The following CEP120 variants were observed in gnomAD, a reference collection of about 807,000 sequenced individuals.
CEP120 encodes centrosomal protein 120.
A neutral mutation model predicts 126.5 loss-of-function variants in CEP120; 113 were observed. That is an observed-to-expected ratio of 0.89 (90% CI 0.77 to 1.04). The LOEUF is 1.04. Ranked by LOEUF, CEP120 falls within the 50% of genes least tolerant of loss-of-function variation. The probability of loss-of-function intolerance (pLI) is 0.00; values close to 1 mark genes in which losing one functional copy is unlikely to be tolerated. For missense variants in CEP120, 1,230 were observed against 1,155.7 expected, an observed-to-expected ratio of 1.06 and a Z score of -0.93; for synonymous variants, 400 against 394.3, an observed-to-expected ratio of 1.01 and a Z score of -0.17.
intron 17 of CEP120, among the ~76,000 whole-genome samples, chr5:123,370,797 C>T (rs1188285126): frequency 6.7e-6 from 1 of 148,508 alleles, no homozygotes; most frequent in Admixed American, 6.7e-5. Context: ...TCTACAGAGG[C>T]AGGGTTTCTC....
At chr5:123,383,574 A>G (rs1478315787) in intron 11 of CEP120, among the ~76,000 whole-genome samples, 1 of 152,084 alleles carries the variant, frequency 6.6e-6, no homozygotes, top group African/African-American at 2.4e-5. Context: ...GTAGTAAAAT[A>G]TACTTAACAA....
chr5:123,409,426 A>G (rs1457355561), intron 4 of CEP120, among the ~76,000 whole-genome samples: 2 of 152,232 alleles, frequency 1.3e-5, no homozygotes, highest in African/African-American at 4.8e-5. Flanking sequence ...TACTAATGGA[A>G]AAGAAAAGGA....
Position 123,423,028 on chromosome 5 carries a change from C to A in CEP120, c.-30G>T. 19 of 1,603,784 alleles carry A rather than the reference C, an allele frequency of 1.2e-5. No individual in the cohort carries two copies. The highest frequency in any genetic ancestry group is 1.6e-5 in the Non-Finnish European group (19 of 1,171,082). ...GCGGTGAGCGGTCCGGGGGCGAAGG[C>A]GGCTGGGGGGAAGTGAGGTCCAGTT... On this transcript the variant is annotated 5_prime_UTR_variant, in exon 1 of 20. Coordinates refer to ENST00000306467, the MANE Select transcript of CEP120 (RefSeq NM_001375405.1).
At chr5:123,389,471 T>C (rs1324198812) in intron 8 of CEP120, among the ~76,000 whole-genome samples, 1 of 152,202 alleles carries the variant, frequency 6.6e-6, no homozygotes, top group Non-Finnish European at 1.5e-5. Flanking sequence ...TGACTTTGCA[T>C]TGAAATTTTT....
At chr5:123,395,527 T>G (rs1487077830) in intron 5 of CEP120, among the ~76,000 whole-genome samples, 2 of 152,154 alleles carry the variant, frequency 1.3e-5, no homozygotes, top group East Asian at 3.8e-4. Flanking sequence ...CCCCAGTCCC[T>G]GGAAATCACA....
At chr5:123,371,579 C>G (rs1053480609) in intron 17 of CEP120, among the ~76,000 whole-genome samples, 2 of 152,046 alleles carry the variant, frequency 1.3e-5, no homozygotes, top group Admixed American at 6.6e-5. Flanking sequence ...AGGAAATGCT[C>G]ACCGGAGCTC....
At chr5:123,368,936 A>T (rs572912708) in intron 17 of CEP120, among the ~76,000 whole-genome samples, 13 of 151,986 alleles carry the variant, frequency 8.6e-5, no homozygotes, top group Non-Finnish European at 1.9e-4. Flanking sequence ...GAAAATGGTT[A>T]TTTTTCATAA....
intron 5 of CEP120, among the ~76,000 whole-genome samples, chr5:123,398,881 G>A (rs539693742): frequency 6.6e-6 from 1 of 152,070 alleles, no homozygotes; most frequent in Non-Finnish European, 1.5e-5. Context: ...ACAGTACAAT[G>A]GAAAACAATG....
At chr5:123,354,803 AC>A (rs1288993381) in intron 18 of CEP120, among the ~76,000 whole-genome samples, 4 of 151,662 alleles carry the variant, frequency 2.6e-5, no homozygotes, top group Non-Finnish European at 5.9e-5. Context: ...TTTTTATTAT[AC>A]TTTAAGTTCT....
chr5:123,401,264 C>A, intron 4 of CEP120: 1 of 1,611,058 alleles, frequency 6.2e-7, no homozygotes, highest in Non-Finnish European at 8.5e-7. Flanking sequence ...TGGCCCGCTG[C>A]AGGGCGGCCT....
chr5:123,411,619 T>C (rs1774063058), intron 4 of CEP120, among the ~76,000 whole-genome samples: 1 of 152,094 alleles, frequency 6.6e-6, no homozygotes, highest in Non-Finnish European at 1.5e-5. Flanking sequence ...ATTCCAACTA[T>C]ATGACATTCA....
At chr5:123,422,821 T>C in intron 1 of CEP120, 129 bp downstream of exon 1, 1 of 904,764 alleles carries the variant, frequency 1.1e-6, no homozygotes, top group East Asian at 2.4e-5. Flanking sequence ...CGTACAACTT[T>C]GAACAAGTCT....
At chr5:123,351,709 A>C (rs1254325508) in intron 18 of CEP120, among the ~76,000 whole-genome samples, 1 of 152,194 alleles carries the variant, frequency 6.6e-6, no homozygotes, top group Admixed American at 6.5e-5. Flanking sequence ...TTTCACATAT[A>C]CCTTGTATAC....
At chr5:123,385,270 A>C (rs1407397502) in intron 10 of CEP120, 137 bp from the exon 11 acceptor site, 1 of 579,274 alleles carries the variant, frequency 1.7e-6, no homozygotes, top group Non-Finnish European at 2.9e-6. Context: ...CAATTGTTAG[A>C]CTGAATGCTA....
chr5:123,367,009 A>T (rs1226302526), intron 17 of CEP120, among the ~76,000 whole-genome samples: 1 of 151,832 alleles, frequency 6.6e-6, no homozygotes, highest in Non-Finnish European at 1.5e-5. Context: ...CTCTACCTCT[A>T]CATGAAGCTG....
intron 6 of CEP120, among the ~76,000 whole-genome samples, chr5:123,392,740 C>G (rs1025699890): frequency 7.2e-5 from 11 of 152,182 alleles, no homozygotes; most frequent in African/African-American, 2.6e-4. Flanking sequence ...GAACTCCTGG[C>G]CTCAAGTGAT....
chr5:123,362,275 G>A (rs1472144185), intron 18 of CEP120, among the ~76,000 whole-genome samples: 2 of 151,596 alleles, frequency 1.3e-5, no homozygotes, highest in Admixed American at 6.6e-5. Context: ...ACCAACTCAC[G>A]ATGACCCCTA....
chr5:123,380,171 G>A (rs1289992819), intron 14 of CEP120, among the ~76,000 whole-genome samples: 1 of 152,040 alleles, frequency 6.6e-6, no homozygotes, highest in Non-Finnish European at 1.5e-5. Context: ...GAGAGTCTCA[G>A]GGTATTTAGC....
intron 18 of CEP120, among the ~76,000 whole-genome samples, chr5:123,355,306 G>T (rs190718930): frequency 0.032 from 4,808 of 152,146 alleles, 246 homozygotes; most frequent in African/African-American, 0.11. Context: ...TACCCAGTAA[G>T]GGGATGGCTG....
Sources: allele counts gnomAD v4.1 joint callset (sites outside exome capture counted in the v4.1 genomes callset), GRCh38; gene constraint gnomAD v4.1.1; transcripts MANE v1.5; gene names NCBI Gene and HGNC (gene_info 2026-07-23, HGNC 2026-07-21).